NCOA2: variants seen among roughly 807,000 people sequenced by gnomAD.
The protein encoded by NCOA2 is class E basic helix-loop-helix protein 75.
A neutral mutation model predicts 145.1 loss-of-function variants in NCOA2; 21 were observed. That is an observed-to-expected ratio of 0.14 (90% CI 0.10 to 0.21). The LOEUF (loss-of-function observed/expected upper bound fraction) is 0.21. Among genes scored for constraint, NCOA2 ranks in the 10% least tolerant of loss-of-function variants. NCOA2 has a pLI of 1.00. For missense variants in NCOA2, 1,472 were observed against 1,837.6 expected (o/e 0.80, Z 3.64); for synonymous variants, 619 against 637.5 (o/e 0.97, Z 0.44).
intron 2 of NCOA2, among the ~76,000 whole-genome samples, chr8:70,283,976 G>A (rs1826062485): frequency 6.6e-6 from 1 of 152,030 alleles, no homozygotes; most frequent in South Asian, 2.1e-4. Flanking sequence ...AACATATTTA[G>A]CAATAACAAT....
chr8:70,299,376 G>A (rs1827323005), intron 1 of NCOA2, among the ~76,000 whole-genome samples: 1 of 152,020 alleles, frequency 6.6e-6, no homozygotes, highest in Non-Finnish European at 1.5e-5. Context: ...GGGGATATCT[G>A]CAAAATAATT....
At chr8:70,208,062 G>A (rs1263893641) in intron 4 of NCOA2, among the ~76,000 whole-genome samples, 1 of 151,694 alleles carries the variant, frequency 6.6e-6, no homozygotes, top group Non-Finnish European at 1.5e-5. Flanking sequence ...ACCAGCCTGG[G>A]CCACCTAGTG....
At chr8:70,444,364 T>C in the NCOA2 span, among the ~76,000 whole-genome samples, 8 of 152,218 alleles carry the variant, frequency 5.3e-5, no homozygotes, top group African/African-American at 1.9e-4. Context: ...GAGGTGGCTG[T>C]GGCTGTGGCT....
chr8:70,292,356 T>A (rs1563730760), intron 2 of NCOA2, among the ~76,000 whole-genome samples: 1 of 151,890 alleles, frequency 6.6e-6, no homozygotes, highest in African/African-American at 2.4e-5. Context: ...TTTCACCATG[T>A]TGGCCAGGAT....
At chr8:70,221,766 GA>G (rs1563643146) in intron 2 of NCOA2, among the ~76,000 whole-genome samples, 1 of 152,136 alleles carries the variant, frequency 6.6e-6, no homozygotes, top group Non-Finnish European at 1.5e-5. Flanking sequence ...TTCATACAAA[GA>G]ATCATCACAC....
chr8:70,303,452 T>C (rs1478464912), intron 1 of NCOA2, among the ~76,000 whole-genome samples: 2 of 152,164 alleles, frequency 1.3e-5, no homozygotes, highest in African/African-American at 2.4e-5. Context: ...TTCTACTTGA[T>C]GTGGCAATCA....
At chr8:70,216,168 A>G (rs572263466) in intron 3 of NCOA2, among the ~76,000 whole-genome samples, 1 of 152,338 alleles carries the variant, frequency 6.6e-6, no homozygotes, top group South Asian at 2.1e-4. Flanking sequence ...ATTACCCTAC[A>G]TGGGCATTAT....
chr8:70,413,786 C>T, the NCOA2 span, among the ~76,000 whole-genome samples: 2 of 152,136 alleles, frequency 1.3e-5, no homozygotes, highest in Admixed American at 6.5e-5. Context: ...TTATGAATGT[C>T]GTTTTTTAAC....
intron 4 of NCOA2, among the ~76,000 whole-genome samples, chr8:70,206,969 A>G (rs1818503051): frequency 6.6e-6 from 1 of 152,172 alleles, no homozygotes; most frequent in South Asian, 2.1e-4. Flanking sequence ...TAATAATCAC[A>G]TTCCTTTCCA....
chr8:70,135,677 T>G (rs909103988), intron 15 of NCOA2, among the ~76,000 whole-genome samples: 1 of 152,174 alleles, frequency 6.6e-6, no homozygotes, highest in South Asian at 2.1e-4. Context: ...TTTTGGGCAA[T>G]TACATATAGT....
chr8:70,136,457 C>T (rs1203241323), intron 15 of NCOA2, among the ~76,000 whole-genome samples: 1 of 151,674 alleles, frequency 6.6e-6, no homozygotes, highest in African/African-American at 2.4e-5. Flanking sequence ...AAGAGAAAAC[C>T]CCTTTAATAA....
rs539071956 is a variant in NCOA2, at chr8:70,276,755, C to T, written c.-20+19989G>A. Among the ~76,000 whole-genome samples, 14 of 152,230 alleles carry T rather than the reference C, an allele frequency of 9.2e-5. No individual in the cohort carries two copies. In the South Asian group the frequency reaches 2.3e-3, roughly 25 times the overall value. On this transcript the variant is annotated intron_variant, in intron 2 of 22. Coordinates refer to ENST00000452400, the MANE Select transcript of NCOA2 (RefSeq NM_006540.4). Reference sequence around the variant, plus strand: ...TAAACCTCTTTCCTTTATAAATTACCCAGTCTCGGGTATTTCTTCATAGCA... The same window carrying T: ...TAAACCTCTTTCCTTTATAAATTACTCAGTCTCGGGTATTTCTTCATAGCA...
rs1269257832 is a variant in NCOA2 at position 70,307,910 on chromosome 8, CTGTAT to C, written c.-76-11115_-76-11111del. 4.6e-5 allele frequency among the ~76,000 whole-genome samples: 7 copies of C among 152,202 alleles called. No homozygotes were observed. In the East Asian group the frequency reaches 1.3e-3, roughly 29 times the overall value. On this transcript the variant is annotated intron_variant, in intron 1 of 22. Coordinates refer to ENST00000452400, the MANE Select transcript of NCOA2 (RefSeq NM_006540.4). Reference sequence around the variant, plus strand: ...TAGGTCTTAATTAAACTAAAATCTTCTGTATTGAAAAGGAATCTAGTAACATACTA... The same window carrying C: ...TAGGTCTTAATTAAACTAAAATCTTCTGAAAAGGAATCTAGTAACATACTA...
chr8:70,131,714 A>C, intron 16 of NCOA2, 123 bp downstream of exon 16: 1 of 1,039,650 alleles, frequency 9.6e-7, no homozygotes. Context: ...GCCTGTTTTG[A>C]GGTAAAAAAA....
At chr8:70,220,869 A>G (rs983464838) in intron 2 of NCOA2, among the ~76,000 whole-genome samples, 4 of 152,236 alleles carry the variant, frequency 2.6e-5, no homozygotes, top group Admixed American at 6.5e-5. Flanking sequence ...TACAGAACAA[A>G]TTCAGTTAAA....
the NCOA2 span, among the ~76,000 whole-genome samples, chr8:70,411,804 G>T: frequency 2.0e-5 from 3 of 152,192 alleles, no homozygotes; most frequent in African/African-American, 7.2e-5. Flanking sequence ...ATAGATACCA[G>T]GATAGTTGTT....
At chr8:70,273,085 G>C (rs1267210480) in intron 2 of NCOA2, among the ~76,000 whole-genome samples, 1 of 152,030 alleles carries the variant, frequency 6.6e-6, no homozygotes, top group Non-Finnish European at 1.5e-5. Flanking sequence ...ATATAAATCT[G>C]CCAAAATTAT....
intron 1 of NCOA2, among the ~76,000 whole-genome samples, chr8:70,304,666 G>GTT (rs796950895): frequency 2.8e-5 from 4 of 145,330 alleles, no homozygotes; most frequent in Non-Finnish European, 6.1e-5. Flanking sequence ...TTGTTTTTTT[G>GTT]TTTTTTTTTT....
At chr8:70,247,496 T>TCAATG (rs755935862) in intron 2 of NCOA2, among the ~76,000 whole-genome samples, 6 of 152,178 alleles carry the variant, frequency 3.9e-5, no homozygotes, top group East Asian at 1.9e-4. Context: ...ACATATACAA[T>TCAATG]CAATGCAATG....
Sources: allele counts gnomAD v4.1 joint callset (sites outside exome capture counted in the v4.1 genomes callset), GRCh38; gene constraint gnomAD v4.1.1; transcripts MANE v1.5; gene names NCBI Gene and HGNC (gene_info 2026-07-23, HGNC 2026-07-21).